The following DPP10 variants were observed in gnomAD, a reference collection of about 807,000 sequenced individuals.
The protein encoded by DPP10 is dipeptidyl peptidase like 10, also known as inactive dipeptidyl peptidase 10.
A neutral mutation model predicts 120.9 loss-of-function variants in DPP10; 33 were observed. The observed-to-expected ratio is 0.27, with a 90% CI of 0.21 to 0.37. DPP10 has a LOEUF of 0.37. DPP10 is among the 10% of genes least tolerant of loss of function. The probability of loss-of-function intolerance (pLI) is 1.00; values close to 1 mark genes in which losing one functional copy is unlikely to be tolerated. For synonymous variants in DPP10, 337 were observed against 326.1 expected (o/e 1.03, Z -0.36); for missense variants, 816 against 942.8 (o/e 0.87, Z 1.76).
intron 1 of DPP10, among the ~76,000 whole-genome samples, chr2:114,822,894 C>G (rs576513212): frequency 6.6e-6 from 1 of 152,294 alleles, no homozygotes; most frequent in South Asian, 2.1e-4. Context: ...TCAGCCTGGA[C>G]TTTACTGTTC....
intron 1 of DPP10, among the ~76,000 whole-genome samples, chr2:114,949,260 C>A (rs1697595827): frequency 6.6e-6 from 1 of 152,112 alleles, no homozygotes; most frequent in African/African-American, 2.4e-5. Flanking sequence ...CTCCTGAGAA[C>A]TCATTCATTA....
At chr2:115,776,861 TG>T (rs1379158461) in intron 13 of DPP10, among the ~76,000 whole-genome samples, 7 of 40,642 alleles carry the variant, frequency 1.7e-4, no homozygotes, top group Non-Finnish European at 2.2e-4. Flanking sequence ...TGTTCTAAAA[TG>T]TTTTTTTTTT....
At chr2:114,756,040 G>A (rs1019595445) in intron 1 of DPP10, among the ~76,000 whole-genome samples, 2 of 151,628 alleles carry the variant, frequency 1.3e-5, no homozygotes, top group Admixed American at 6.6e-5. Flanking sequence ...TAAAAAAAGT[G>A]CAATCTTGAG....
At chr2:114,559,574 A>C (rs1163494311) in intron 1 of DPP10, among the ~76,000 whole-genome samples, 5 of 152,172 alleles carry the variant, frequency 3.3e-5, no homozygotes, top group Non-Finnish European at 5.9e-5. Flanking sequence ...TCATACACTT[A>C]GTTCCTCACA....
At chr2:115,089,588 A>G (rs1709068675) in intron 1 of DPP10, among the ~76,000 whole-genome samples, 1 of 152,088 alleles carries the variant, frequency 6.6e-6, no homozygotes, top group African/African-American at 2.4e-5. Flanking sequence ...TTTTCCCTTC[A>G]ACTTTCTTCA....
At chr2:115,647,583 G>A (rs1020192058) in intron 5 of DPP10, among the ~76,000 whole-genome samples, 10 of 151,936 alleles carry the variant, frequency 6.6e-5, no homozygotes, top group African/African-American at 2.4e-4. Flanking sequence ...CATGACTGAG[G>A]GTACATCTTA....
At chr2:115,749,772 C>G (rs1461525271) in intron 10 of DPP10, among the ~76,000 whole-genome samples, 1 of 152,176 alleles carries the variant, frequency 6.6e-6, no homozygotes, top group East Asian at 1.9e-4. Context: ...AGTAACTACA[C>G]CGCACAAATA....
At chr2:115,695,336 T>G (rs2091525726) in intron 7 of DPP10, among the ~76,000 whole-genome samples, 2 of 152,120 alleles carry the variant, frequency 1.3e-5, no homozygotes, top group African/African-American at 4.8e-5. Context: ...GAAATGGGAA[T>G]GTATTAGTCC....
At chr2:115,407,460 A>G (rs1341789631) in intron 3 of DPP10, among the ~76,000 whole-genome samples, 2 of 152,194 alleles carry the variant, frequency 1.3e-5, no homozygotes, top group African/African-American at 4.8e-5. Context: ...GATCTCCCTC[A>G]GAGGCCAATC....
chr2:114,999,702 T>C (rs1221312668), intron 1 of DPP10, among the ~76,000 whole-genome samples: 1 of 152,116 alleles, frequency 6.6e-6, no homozygotes, highest in East Asian at 1.9e-4. Flanking sequence ...ACACAGGTGC[T>C]CCACCCTCCA....
chr2:115,327,007 A>C (rs911361373), intron 2 of DPP10, among the ~76,000 whole-genome samples: 2 of 152,158 alleles, frequency 1.3e-5, no homozygotes, highest in Admixed American at 1.3e-4. Flanking sequence ...TTACTGACTC[A>C]CTCAGAGTAA....
chr2:114,859,910 T>G (rs1356340231), intron 1 of DPP10, among the ~76,000 whole-genome samples: 1 of 152,198 alleles, frequency 6.6e-6, no homozygotes, highest in Non-Finnish European at 1.5e-5. Context: ...ATGCATCATC[T>G]GGGGATCCTA....
chr2:114,801,262 CAAAAAAA>C (rs1174819592), intron 1 of DPP10, among the ~76,000 whole-genome samples: 3 of 59,686 alleles, frequency 5.0e-5, no homozygotes, highest in South Asian at 1.1e-3. Context: ...GACTCTGTAT[CAAAAAAA>C]AAAAAAAAAA....
At chr2:115,329,632 T>G (rs564016601) in intron 2 of DPP10, among the ~76,000 whole-genome samples, 8 of 152,244 alleles carry the variant, frequency 5.3e-5, no homozygotes, top group African/African-American at 1.9e-4. Context: ...TTCCCCTTCC[T>G]GTGTCCAAGC....
intron 5 of DPP10, among the ~76,000 whole-genome samples, chr2:115,633,270 T>C (rs1332079785): frequency 3.3e-5 from 5 of 152,178 alleles, no homozygotes; most frequent in Non-Finnish European, 2.9e-5. Flanking sequence ...GATGAGTTCA[T>C]GTCCTTTGTA....
At chr2:115,633,838 G>A (rs1408861512) in intron 5 of DPP10, among the ~76,000 whole-genome samples, 1 of 152,082 alleles carries the variant, frequency 6.6e-6, no homozygotes, top group Admixed American at 6.5e-5. Context: ...TGTCTTGGTA[G>A]GTTGAAAAAG....
At chr2:114,628,365 C>T (rs1694666754) in intron 1 of DPP10, among the ~76,000 whole-genome samples, 1 of 152,076 alleles carries the variant, frequency 6.6e-6, no homozygotes, top group Non-Finnish European at 1.5e-5. Context: ...CAATTTTTCA[C>T]CAAAGATAAT....
intron 4 of DPP10, among the ~76,000 whole-genome samples, chr2:115,521,989 T>C (rs958842087): frequency 6.6e-6 from 1 of 152,182 alleles, no homozygotes; most frequent in Admixed American, 6.6e-5. Context: ...ATTCTCATAT[T>C]GTAGGTTGTA....
intron 2 of DPP10, among the ~76,000 whole-genome samples, chr2:115,315,583 C>T (rs1209515159): frequency 6.6e-6 from 1 of 152,098 alleles, no homozygotes; most frequent in Non-Finnish European, 1.5e-5. Flanking sequence ...CCCCATTATG[C>T]ATTATGAGGG....
Sources: allele counts gnomAD v4.1 joint callset (sites outside exome capture counted in the v4.1 genomes callset), GRCh38; gene constraint gnomAD v4.1.1; transcripts MANE v1.5; gene names NCBI Gene and HGNC (gene_info 2026-07-23, HGNC 2026-07-21).